RAB31: variants seen among roughly 807,000 people sequenced by gnomAD.
RAB31 encodes the protein ras-related protein Rab-31.
A neutral mutation model predicts 25.6 loss-of-function variants in RAB31; 21 were observed. That is an observed-to-expected ratio of 0.82 (90% CI 0.58 to 1.18). RAB31 has a LOEUF of 1.18. Ranked by LOEUF, RAB31 falls within the 50% of genes most tolerant of loss-of-function variation. The pLI, the probability that RAB31 is intolerant of heterozygous loss-of-function variation, is 0.00. For synonymous variants in RAB31, 87 were observed against 84.0 expected, an observed-to-expected ratio of 1.04 and a Z score of -0.20; for missense variants, 196 against 250.1, an observed-to-expected ratio of 0.78 and a Z score of 1.46.
chr18:9,850,651 A>G (rs2068784582), intron 6 of RAB31, among the ~76,000 whole-genome samples: 1 of 152,196 alleles, frequency 6.6e-6, no homozygotes, highest in Non-Finnish European at 1.5e-5. Context: ...TAGAGACATT[A>G]GACCAGGTTT....
intron 1 of RAB31, among the ~76,000 whole-genome samples, chr18:9,737,932 C>A (rs997337073): frequency 6.6e-6 from 1 of 152,182 alleles, no homozygotes; most frequent in Non-Finnish European, 1.5e-5. Context: ...GTCTGCCCCC[C>A]ACGCTAACCA....
chr18:9,817,673 A>T (rs11875078), intron 5 of RAB31, among the ~76,000 whole-genome samples: 1 of 152,102 alleles, frequency 6.6e-6, no homozygotes, highest in Admixed American at 6.5e-5. Context: ...CAGATAAAAC[A>T]TATCTGTGAC....
intron 1 of RAB31, chr18:9,734,951 T>C: frequency 3.2e-6 from 1 of 309,774 alleles, no homozygotes. Context: ...AGTAGCCCAG[T>C]TGCACCACAG....
At chr18:9,726,514 A>G (rs1217727386) in intron 1 of RAB31, among the ~76,000 whole-genome samples, 1 of 152,018 alleles carries the variant, frequency 6.6e-6, no homozygotes, top group Non-Finnish European at 1.5e-5. Context: ...CCTGGCATGT[A>G]ATATTCAAGA....
At chr18:9,731,504 A>G (rs149659815) in intron 1 of RAB31, among the ~76,000 whole-genome samples, 17 of 151,844 alleles carry the variant, frequency 1.1e-4, no homozygotes, top group Admixed American at 2.6e-4. Flanking sequence ...CAGTGATTCA[A>G]CTGTATGGGA....
At chr18:9,810,681 C>T (rs191734209) in intron 3 of RAB31, among the ~76,000 whole-genome samples, 31 of 152,278 alleles carry the variant, frequency 2.0e-4, no homozygotes, top group African/African-American at 7.2e-4. Flanking sequence ...TGCCAGTGAC[C>T]GTTTTAGATT....
At chr18:9,786,453 C>T (rs2068433540) in intron 2 of RAB31, among the ~76,000 whole-genome samples, 1 of 152,234 alleles carries the variant, frequency 6.6e-6, no homozygotes, top group Admixed American at 6.5e-5. Flanking sequence ...TTGGTGGGAA[C>T]CCCAACCTGA....
In RAB31 at chr18:9,862,203, A is replaced by C. The variant is rs1691117668; in HGVS notation, c.*2878A>C. 6.6e-6 allele frequency: 1 copy of C among 152,262 alleles called. No homozygotes were observed. The highest frequency in any genetic ancestry group is 2.1e-4 in the South Asian group (1 of 4,832). 9.4% of individuals were successfully genotyped at this position (152,262 alleles called of 1,614,324 possible). On this transcript the variant is annotated 3_prime_UTR_variant, in exon 7 of 7. Coordinates refer to ENST00000578921, the MANE Select transcript of RAB31 (RefSeq NM_006868.4). ...CAGTTCTCACTGTTCTGCAATGCTCATGGCAAGTTGAATGGTGAGCTAGCT... is the reference window on the plus strand; with the variant it reads ...CAGTTCTCACTGTTCTGCAATGCTCCTGGCAAGTTGAATGGTGAGCTAGCT...
At chr18:9,740,874 C>T (rs1416964966) in intron 1 of RAB31, among the ~76,000 whole-genome samples, 1 of 152,138 alleles carries the variant, frequency 6.6e-6, no homozygotes, top group Non-Finnish European at 1.5e-5. Context: ...ACAGGGGTCT[C>T]TAATGGCAGA....
intron 1 of RAB31, among the ~76,000 whole-genome samples, chr18:9,770,140 C>T (rs1006591469): frequency 1.3e-5 from 2 of 152,144 alleles, no homozygotes; most frequent in Non-Finnish European, 2.9e-5. Flanking sequence ...GGATATGGGC[C>T]TGAAATTTTC....
chr18:9,812,629 G>C (rs1446142828), intron 3 of RAB31, among the ~76,000 whole-genome samples: 2 of 147,576 alleles, frequency 1.4e-5, no homozygotes, highest in Non-Finnish European at 3.0e-5. Context: ...ATATATCTTT[G>C]TCCATTTTTC....
chr18:9,721,699 G>A (rs1301206175), intron 1 of RAB31, among the ~76,000 whole-genome samples: 1 of 152,070 alleles, frequency 6.6e-6, no homozygotes, highest in Non-Finnish European at 1.5e-5. Context: ...CTGAGTGCCT[G>A]CTGTATACCA....
intron 5 of RAB31, among the ~76,000 whole-genome samples, chr18:9,843,359 A>T (rs1424766126): frequency 6.6e-6 from 1 of 152,106 alleles, no homozygotes; most frequent in African/African-American, 2.4e-5. Context: ...AGACTGGGCA[A>T]CGTGGCGAAA....
At chr18:9,782,640 C>T (rs758060870) in intron 2 of RAB31, among the ~76,000 whole-genome samples, 13 of 151,664 alleles carry the variant, frequency 8.6e-5, no homozygotes, top group African/African-American at 1.5e-4. Flanking sequence ...AGGGCCAGTG[C>T]GCCTCCTCCA....
intron 6 of RAB31, among the ~76,000 whole-genome samples, chr18:9,848,425 T>C (rs1028480971): frequency 6.6e-6 from 1 of 152,250 alleles, no homozygotes; most frequent in Non-Finnish European, 1.5e-5. Flanking sequence ...TCTGTCCATC[T>C]GTCCATCTGT....
At chr18:9,729,723 A>G (rs746256341) in intron 1 of RAB31, among the ~76,000 whole-genome samples, 1 of 145,216 alleles carries the variant, frequency 6.9e-6, no homozygotes, top group African/African-American at 2.6e-5. Flanking sequence ...ATCATTATCT[A>G]CTGGTCTGAC....
rs1442094595 is a variant in RAB31, at chr18:9,828,821, A to C, written c.380+13599A>C. 6.6e-5 allele frequency among the ~76,000 whole-genome samples: 10 copies of C among 152,230 alleles called. No individual in the cohort carries two copies. The East Asian group carries it at 1.9e-3, about 29-fold the overall frequency. On this transcript the variant is annotated intron_variant, in intron 5 of 6. Coordinates refer to ENST00000578921, the MANE Select transcript of RAB31 (RefSeq NM_006868.4). Reference sequence around the variant, plus strand: ...ACTAAAAGCACTAAAGCCAGTGAACATCAAAAGGCCTGAAAAATCATGGCA... The same window carrying C: ...ACTAAAAGCACTAAAGCCAGTGAACCTCAAAAGGCCTGAAAAATCATGGCA...
intron 2 of RAB31, among the ~76,000 whole-genome samples, chr18:9,775,811 CTGAG>C (rs1386083979): frequency 6.6e-6 from 1 of 152,034 alleles, no homozygotes; most frequent in African/African-American, 2.4e-5. Flanking sequence ...CTTCTTGAGA[CTGAG>C]TGTTGCTCTG....
At chr18:9,814,999 G>A in intron 4 of RAB31, 117 bp from the exon 5 acceptor site, 1 of 697,092 alleles carries the variant, frequency 1.4e-6, no homozygotes, top group Non-Finnish European at 2.4e-6. Context: ...ATGTTAATCT[G>A]CATGAGTCTC....
Sources: gnomAD v4.1 joint callset for allele counts (sites outside exome capture counted in the v4.1 genomes callset) on GRCh38, gnomAD v4.1.1 for gene constraint, MANE v1.5 for transcripts, NCBI Gene and HGNC (gene_info 2026-07-23, HGNC 2026-07-21) for gene names.